ELAVL4: variants seen among roughly 807,000 people sequenced by gnomAD.
The protein encoded by ELAVL4 is ELAV-like protein 4.
A neutral mutation model predicts 35.6 loss-of-function variants in ELAVL4; 1 was observed. The ratio of observed to expected loss-of-function variants is 0.03; its 90% CI spans 0.01 to 0.13. The LOEUF is 0.13. ELAVL4 is among the 10% of genes least tolerant of loss of function. ELAVL4 has a pLI of 1.00. For missense variants in ELAVL4, 267 were observed against 464.9 expected (o/e 0.57, Z 3.91); for synonymous variants, 156 against 171.0 (o/e 0.91, Z 0.69).
At chr1:50,177,829 A>G (rs79754227) in intron 3 of ELAVL4, among the ~76,000 whole-genome samples, 2,314 of 152,348 alleles carry the variant, frequency 0.015, 27 homozygotes, top group Non-Finnish European at 0.023. Flanking sequence ...AATGACAGAA[A>G]AAGTAACATT....
intron 1 of ELAVL4, among the ~76,000 whole-genome samples, chr1:50,065,826 G>A (rs1222731404): frequency 6.6e-6 from 1 of 152,098 alleles, no homozygotes; most frequent in Admixed American, 6.5e-5. Context: ...CATGTGTCGG[G>A]GTTGAGGGCT....
At chr1:50,054,855 CA>C (rs1663573242) in intron 1 of ELAVL4, among the ~76,000 whole-genome samples, 1 of 152,148 alleles carries the variant, frequency 6.6e-6, no homozygotes, top group African/African-American at 2.4e-5. Context: ...AGGATTCAGC[CA>C]ATACGGAGCA....
chr1:50,140,079 A>T (rs1280620082), intron 1 of ELAVL4, among the ~76,000 whole-genome samples: 1 of 152,220 alleles, frequency 6.6e-6, no homozygotes, highest in Non-Finnish European at 1.5e-5. Flanking sequence ...GTTCGAAGTC[A>T]ACTGAACCTC....
intron 3 of ELAVL4, among the ~76,000 whole-genome samples, chr1:50,178,557 T>A (rs956004486): frequency 6.6e-6 from 1 of 152,166 alleles, no homozygotes; most frequent in Non-Finnish European, 1.5e-5. Flanking sequence ...TACACAAAGA[T>A]CCCAAAATGG....
rs992054156 is a variant in ELAVL4 at position 50,109,654 on chromosome 1, T to C, written c.9+456T>C. 6 of 481,756 alleles carry C rather than the reference T, an allele frequency of 1.2e-5. No individual in the cohort carries two copies. The East Asian group carries it at 1.5e-4, about 12-fold the overall frequency. The allele number at this position is 481,756 out of a possible 1,614,324, so 29.8% of individuals were successfully genotyped here. On this transcript the variant is annotated intron_variant, in intron 1 of 6. Coordinates refer to ENST00000371824, the MANE Select transcript of ELAVL4 (RefSeq NM_001144774.3). ...ACCTCGAGAGGCAGCTCCTGGATAC[T>C]GAACACTGAGATGGGCAGTTGTGTT...
chr1:50,145,161 A>G lies in ELAVL4; in HGVS notation c.214A>G (p.Ile72Val). The G allele has an allele frequency of 6.2e-7, 1 of 1,614,030 alleles. No individual in the cohort carries two copies. Residue 72 changes from isoleucine (I) to valine (V), a missense_variant, in exon 2 of 7, where the codon ATA becomes GTA. Physicochemically the swap from Ile to Val is conservative, Grantham distance 29. Transcript: ENST00000371824. Reference sequence around the variant, plus strand: ...GAGTCTCTTCGGGAGCATTGGTGAAATAGAATCCTGCAAACTTGTGAGAGA... The same window carrying G: ...GAGTCTCTTCGGGAGCATTGGTGAAGTAGAATCCTGCAAACTTGTGAGAGA... ...FRSLFGSIGE[I>V]ESCKLVRDKI...
chr1:50,074,725 G>T (rs944446357), intron 1 of ELAVL4, among the ~76,000 whole-genome samples: 10 of 152,192 alleles, frequency 6.6e-5, no homozygotes, highest in African/African-American at 2.4e-4. Flanking sequence ...ATAGGAATTT[G>T]CCAGATGAAG....
upstream of ELAVL4, among the ~76,000 whole-genome samples, chr1:50,100,821 T>C (rs966006512): frequency 3.3e-5 from 5 of 152,224 alleles, no homozygotes; most frequent in African/African-American, 9.6e-5. Context: ...CATTCAGCCT[T>C]TGTTAGTTAT....
chr1:50,197,582 TC>T, intron 6 of ELAVL4, 115 bp downstream of exon 6: 2 of 906,658 alleles, frequency 2.2e-6, no homozygotes, highest in Non-Finnish European at 3.2e-6. Context: ...TCCTTTTTCT[TC>T]CACCAGCATG....
intron 1 of ELAVL4, among the ~76,000 whole-genome samples, chr1:50,120,693 G>A (rs931930163): frequency 1.3e-5 from 2 of 152,078 alleles, no homozygotes; most frequent in African/African-American, 4.8e-5. Flanking sequence ...ATAATGTGAT[G>A]TTATGATGAT....
intron 1 of ELAVL4, among the ~76,000 whole-genome samples, chr1:50,072,489 C>T (rs1031222614): frequency 1.3e-5 from 2 of 152,222 alleles, no homozygotes; most frequent in Non-Finnish European, 2.9e-5. Context: ...TACCAAGACA[C>T]ATCAGAGTGG....
intron 6 of ELAVL4, among the ~76,000 whole-genome samples, chr1:50,200,558 A>G (rs371526099): frequency 2.8e-4 from 43 of 152,116 alleles, no homozygotes; most frequent in African/African-American, 1.0e-3. Flanking sequence ...ATGAGCATAT[A>G]CTGTGATAGA....
chr1:50,104,097 G>C (rs994291075), upstream of ELAVL4: 1 of 1,378,772 alleles, frequency 7.3e-7, no homozygotes. Flanking sequence ...CAAGACTATG[G>C]GTCCTTAAAA....
chr1:50,197,369 C>T, intron 5 of ELAVL4, 60 bp from the exon 6 acceptor site: 1 of 1,504,202 alleles, frequency 6.6e-7, no homozygotes, highest in East Asian at 2.4e-5. Flanking sequence ...ATTAATAGTT[C>T]CATTGAGCGA....
intron 1 of ELAVL4, among the ~76,000 whole-genome samples, chr1:50,129,780 T>G (rs1400956050): frequency 6.6e-6 from 1 of 152,140 alleles, no homozygotes; most frequent in Non-Finnish European, 1.5e-5. Flanking sequence ...TCTTACCAGC[T>G]CTTAGATTAG....
chr1:50,077,888 A>G (rs1296096892), intron 1 of ELAVL4, among the ~76,000 whole-genome samples: 1 of 152,102 alleles, frequency 6.6e-6, no homozygotes, highest in Non-Finnish European at 1.5e-5. Context: ...CATGTCTACA[A>G]TTGTTGCTGC....
intron 1 of ELAVL4, among the ~76,000 whole-genome samples, chr1:50,115,635 T>C (rs1195558078): frequency 2.0e-5 from 3 of 152,142 alleles, no homozygotes; most frequent in East Asian, 1.9e-4. Flanking sequence ...CCAGCGAAGA[T>C]GGTGAATTCT....
At chr1:50,160,004 A>G (rs896690905) in intron 2 of ELAVL4, among the ~76,000 whole-genome samples, 8 of 152,128 alleles carry the variant, frequency 5.3e-5, no homozygotes, top group African/African-American at 1.9e-4. Context: ...CACACTAGGC[A>G]TTTTTTTGAA....
At chr1:50,116,094 G>A (rs1186803141) in intron 1 of ELAVL4, among the ~76,000 whole-genome samples, 2 of 152,076 alleles carry the variant, frequency 1.3e-5, no homozygotes, top group African/African-American at 4.8e-5. Context: ...GGACATTTTA[G>A]TCTATAAGGT....
Sources: allele counts gnomAD v4.1 joint callset (sites outside exome capture counted in the v4.1 genomes callset), GRCh38; gene constraint gnomAD v4.1.1; transcripts MANE v1.5; gene names NCBI Gene and HGNC (gene_info 2026-07-23, HGNC 2026-07-21).